TLL2: variants seen among roughly 807,000 people sequenced by gnomAD.
The protein encoded by TLL2 is tolloid like 2, also known as tolloid-like protein 2.
Under a neutral mutation model 123.0 loss-of-function variants are expected in TLL2, and 106 were observed. That is an observed-to-expected ratio of 0.86 (90% CI 0.74 to 1.01). TLL2 has a LOEUF of 1.01. Ranked by LOEUF, TLL2 falls within the 50% of genes least tolerant of loss-of-function variation. TLL2 has a pLI of 0.00. For missense variants in TLL2, 1,332 were observed against 1,336.7 expected (o/e 1.00, Z 0.06); for synonymous variants, 494 against 516.8 (o/e 0.96, Z 0.60).
In TLL2 at chr10:96,395,253, G is replaced by A. The variant is rs1302540296; in HGVS notation, c.1660C>T (p.Leu554=). ...PEDVKSSSNR[L]WMKFVSDGSI... is the part of the protein sequence containing the mutation. ...CCATCGGACACAAACTTCATCCACA[G>A]TCTGTTGGAGCTCGATTTCACATCC... Residue 554 remains leucine, a synonymous_variant, in exon 13 of 21, where the codon CTG becomes TTG. Transcript: ENST00000357947. 1.9e-6 allele frequency: 3 copies of A among 1,613,956 alleles called. No homozygotes were observed. The highest frequency in any genetic ancestry group is 2.2e-5 in the East Asian group (1 of 44,884).
intron 8 of TLL2, among the ~76,000 whole-genome samples, chr10:96,412,847 G>A (rs546457289): frequency 2.0e-5 from 3 of 152,288 alleles, no homozygotes; most frequent in East Asian, 3.9e-4. Context: ...CCAGAGAAAG[G>A]AGAGGTGCTC....
At chr10:96,422,481 T>C in intron 6 of TLL2, 68 bp downstream of exon 6, 1 of 1,578,682 alleles carries the variant, frequency 6.3e-7, no homozygotes, top group Non-Finnish European at 8.7e-7. Context: ...CCTCCTTCCC[T>C]CCCTCCTGTC....
chr10:96,466,217 A>G (rs1198780634), intron 2 of TLL2, among the ~76,000 whole-genome samples: 1 of 152,234 alleles, frequency 6.6e-6, no homozygotes, highest in African/African-American at 2.4e-5. Flanking sequence ...CCACCAGCTC[A>G]GTGCCAAGGC....
chr10:96,428,782 A>G, intron 4 of TLL2, 34 bp from the exon 5 acceptor site: 1 of 1,356,440 alleles, frequency 7.4e-7, no homozygotes. Context: ...GACTTCAATG[A>G]TGGGTCCATA....
chr10:96,489,927 C>T (rs983076031), intron 1 of TLL2, among the ~76,000 whole-genome samples: 1 of 151,994 alleles, frequency 6.6e-6, no homozygotes, highest in Non-Finnish European at 1.5e-5. Flanking sequence ...TGACACCTGT[C>T]TCTACTAAAA....
intron 7 of TLL2, among the ~76,000 whole-genome samples, chr10:96,416,577 A>T (rs1846564274): frequency 6.6e-6 from 1 of 152,240 alleles, no homozygotes; most frequent in Non-Finnish European, 1.5e-5. Flanking sequence ...CCTTCCAGCC[A>T]GTGTTTCCTG....
At chr10:96,500,115 A>AAC (rs1554941766) in intron 1 of TLL2, among the ~76,000 whole-genome samples, 19 of 141,396 alleles carry the variant, frequency 1.3e-4, no homozygotes, top group Admixed American at 4.4e-4. Flanking sequence ...AAAAAAAAAA[A>AAC]AAAAAGAAAA....
chr10:96,384,025 A>T (rs1846208333), intron 16 of TLL2, among the ~76,000 whole-genome samples: 1 of 152,190 alleles, frequency 6.6e-6, no homozygotes, highest in South Asian at 2.1e-4. Context: ...CTTACTTGGA[A>T]ATAGTGTCTC....
chr10:96,387,576 A>G (rs975943702), intron 13 of TLL2, among the ~76,000 whole-genome samples: 6 of 152,236 alleles, frequency 3.9e-5, no homozygotes, highest in Non-Finnish European at 7.3e-5. Flanking sequence ...TAGGAGTTTT[A>G]GAAATACTCT....
chr10:96,383,954 T>C (rs907828627), intron 16 of TLL2, among the ~76,000 whole-genome samples: 1 of 152,136 alleles, frequency 6.6e-6, no homozygotes, highest in African/African-American at 2.4e-5. Context: ...CTTTATCAAT[T>C]ACTCAGTCTC....
Position 96,365,286 on chromosome 10 carries a change from C to T in TLL2, c.*2802G>A, listed in dbSNP as rs1463166717. The T allele has an allele frequency of 6.6e-6, 1 of 152,146 alleles. No homozygotes were observed. The highest frequency in any genetic ancestry group is 2.4e-5 in the African/African-American group (1 of 41,420). The allele number at this position is 152,146 out of a possible 1,614,324, so 9.4% of individuals were successfully genotyped here. ...CAGGTAAATACCTCTAAATATTTAC[C>T]TTAGAGGAAAATAGAGGGAATAGTG... is the stretch of plus-strand genomic sequence containing the variant. On this transcript the variant is annotated 3_prime_UTR_variant, in exon 21 of 21. Transcript: ENST00000357947.
intron 9 of TLL2, among the ~76,000 whole-genome samples, chr10:96,409,464 G>T (rs141018090): frequency 0.011 from 1,720 of 152,318 alleles, 20 homozygotes; most frequent in South Asian, 0.044. Flanking sequence ...AGAACACTCA[G>T]ATTTGTAGAG....
In TLL2 at chr10:96,397,177, C is replaced by T. The variant is rs759697882; in HGVS notation, c.1384+9G>A. ...GGCCACCGAGCAGCTGCTTTCACCT[C>T]GCACAAACCTTCGTACGCTGCAAAG... is the stretch of plus-strand genomic sequence containing the variant. On this transcript the variant is annotated intron_variant, in intron 11 of 20. Coordinates refer to ENST00000357947, the MANE Select transcript of TLL2 (RefSeq NM_012465.4). 43 of 1,607,960 alleles carry T rather than the reference C, an allele frequency of 2.7e-5. No homozygotes were observed. Among genetic ancestry groups the T allele is most frequent in the African/African-American group, 5.4e-5 (4 of 74,560 alleles).
chr10:96,465,672 G>C (rs1357453289), intron 2 of TLL2, among the ~76,000 whole-genome samples: 1 of 152,220 alleles, frequency 6.6e-6, no homozygotes, highest in Non-Finnish European at 1.5e-5. Flanking sequence ...AGGACCCAAG[G>C]TGGTGCCTCT....
chr10:96,450,308 A>C (rs1210316787), intron 2 of TLL2, among the ~76,000 whole-genome samples: 2 of 152,052 alleles, frequency 1.3e-5, no homozygotes, highest in Non-Finnish European at 2.9e-5. Flanking sequence ...GAAGGAGGCA[A>C]CTATTCTTCA....
rs149145623 is a variant in TLL2 at position 96,441,819 on chromosome 10, T to C, written c.364+4272A>G. ...GCCTGAAGTTCGTGGGGCTCAGTTG[T>C]TACACCCAAGTAAACTGACGTAAGT... On this transcript the variant is annotated intron_variant, in intron 3 of 20. Transcript: ENST00000357947. 5.3e-5 allele frequency among the ~76,000 whole-genome samples: 8 copies of C among 152,292 alleles called. No homozygotes were observed. The East Asian group carries it at 1.5e-3, about 29-fold the overall frequency.
At chr10:96,408,279 G>C (rs1388215734) in intron 9 of TLL2, among the ~76,000 whole-genome samples, 1 of 152,208 alleles carries the variant, frequency 6.6e-6, no homozygotes, top group East Asian at 1.9e-4. Context: ...ATTATTTTAA[G>C]TACATTAGTG....
chr10:96,454,856 A>G (rs1189436030), intron 2 of TLL2, among the ~76,000 whole-genome samples: 1 of 152,206 alleles, frequency 6.6e-6, no homozygotes. Context: ...GATTGAAACA[A>G]TAAGCCATAT....
intron 16 of TLL2, among the ~76,000 whole-genome samples, chr10:96,379,573 G>C (rs1846167744): frequency 6.6e-6 from 1 of 152,162 alleles, no homozygotes; most frequent in Admixed American, 6.5e-5. Flanking sequence ...TGTAATCCCA[G>C]CACTTTGGGA....
Sources: allele counts gnomAD v4.1 joint callset (sites outside exome capture counted in the v4.1 genomes callset), GRCh38; gene constraint gnomAD v4.1.1; transcripts MANE v1.5; gene names NCBI Gene and HGNC (gene_info 2026-07-23, HGNC 2026-07-21).